KPNA1: variants seen among roughly 807,000 people sequenced by gnomAD.
KPNA1 encodes the protein importin subunit alpha-5.
Under a neutral mutation model 70.5 loss-of-function variants are expected in KPNA1, and 10 were observed. The observed-to-expected ratio is 0.14, with a 90% CI of 0.09 to 0.24. The LOEUF (loss-of-function observed/expected upper bound fraction) is 0.24. Ranked by LOEUF, KPNA1 falls within the 10% of genes least tolerant of loss-of-function variation. KPNA1 has a pLI of 1.00. For synonymous variants in KPNA1, 192 were observed against 221.9 expected, an observed-to-expected ratio of 0.87 and a Z score of 1.20; for missense variants, 397 against 637.9, an observed-to-expected ratio of 0.62 and a Z score of 4.07.
intron 1 of KPNA1, among the ~76,000 whole-genome samples, chr3:122,503,544 T>TA (rs2076854413): frequency 6.6e-6 from 1 of 152,192 alleles, no homozygotes; most frequent in Non-Finnish European, 1.5e-5. Flanking sequence ...ACCAATCACA[T>TA]ACAGAAGACA....
intron 2 of KPNA1, among the ~76,000 whole-genome samples, chr3:122,476,614 C>T (rs1392345998): frequency 6.6e-6 from 1 of 151,708 alleles, no homozygotes; most frequent in East Asian, 1.9e-4. Context: ...AGAACTTAGT[C>T]ATTTCTCAAA....
chr3:122,436,715 AG>A (rs1254942126), intron 11 of KPNA1, among the ~76,000 whole-genome samples: 4 of 152,234 alleles, frequency 2.6e-5, no homozygotes, highest in African/African-American at 9.6e-5. Context: ...TAAAGTAAAA[AG>A]CTGACTATGA....
intron 5 of KPNA1, among the ~76,000 whole-genome samples, chr3:122,454,729 G>A (rs760196652): frequency 2.9e-4 from 44 of 152,062 alleles, no homozygotes; most frequent in Non-Finnish European, 5.0e-4. Flanking sequence ...AAATGAGAGA[G>A]CTCCAAACCA....
chr3:122,497,767 T>A (rs1366596227), intron 1 of KPNA1, among the ~76,000 whole-genome samples: 1 of 152,242 alleles, frequency 6.6e-6, no homozygotes, highest in Non-Finnish European at 1.5e-5. Flanking sequence ...TTAAATTAGG[T>A]TGTCCTTTTA....
chr3:122,430,433 T>A (rs925717329), intron 12 of KPNA1, among the ~76,000 whole-genome samples: 1 of 152,050 alleles, frequency 6.6e-6, no homozygotes, highest in African/African-American at 2.4e-5. Context: ...TTGGTTTTGA[T>A]ATATACAATG....
chr3:122,503,332 A>C (rs1479115111), intron 1 of KPNA1, among the ~76,000 whole-genome samples: 1 of 152,230 alleles, frequency 6.6e-6, no homozygotes, highest in Non-Finnish European at 1.5e-5. Context: ...ATGTCAATGA[A>C]GGCATATAGG....
chr3:122,495,262 C>CAAAAAAAAAAAAAAAAAAAAA lies in KPNA1; in HGVS notation c.129+1174_129+1175insTTTTTTTTTTTTTTTTTTTTT, dbSNP rs748751423. On this transcript the variant is annotated intron_variant, in intron 2 of 13. Transcript: ENST00000344337. Reference sequence around the variant, plus strand: ...GAGCGAGACTCTGCCTCAAACAAACCAAAAAAAAAAAAAGAAAAGGAAATT... The same window carrying CAAAAAAAAAAAAAAAAAAAAA: ...GAGCGAGACTCTGCCTCAAACAAACCAAAAAAAAAAAAAAAAAAAAAAAAAAAAAAAAAAGAAAAGGAAATT... Among the ~76,000 whole-genome samples, 122 of 86,312 alleles carry CAAAAAAAAAAAAAAAAAAAAA rather than the reference C, an allele frequency of 1.4e-3. 2 individuals are homozygous for CAAAAAAAAAAAAAAAAAAAAA. The highest frequency in any genetic ancestry group is 3.7e-3 in the African/African-American group (86 of 23,384). 56.6% of individuals were successfully genotyped at this position (86,312 alleles called of 152,430 possible).
intron 1 of KPNA1, among the ~76,000 whole-genome samples, chr3:122,507,693 T>C (rs2076905967): frequency 6.7e-6 from 1 of 150,158 alleles, no homozygotes; most frequent in African/African-American, 2.5e-5. Flanking sequence ...GTTCTGATCT[T>C]TATGGTCTTT....
chr3:122,453,846 T>C, intron 6 of KPNA1, 24 bp downstream of exon 6: 1 of 1,582,590 alleles, frequency 6.3e-7, no homozygotes, highest in East Asian at 2.3e-5. Context: ...TTCTTTCACC[T>C]GCTTCTTTTT....
chr3:122,435,521 A>G (rs1310297746), intron 11 of KPNA1, among the ~76,000 whole-genome samples: 2 of 152,274 alleles, frequency 1.3e-5, no homozygotes, highest in East Asian at 3.8e-4. Context: ...AATCGTGCTC[A>G]GCATAAAGCC....
chr3:122,495,930 G>A (rs1006084553), intron 2 of KPNA1, among the ~76,000 whole-genome samples: 2 of 152,052 alleles, frequency 1.3e-5, no homozygotes, highest in African/African-American at 2.4e-5. Flanking sequence ...TAAAATGTTA[G>A]ATAACAAAGA....
intron 5 of KPNA1, among the ~76,000 whole-genome samples, 197 bp downstream of exon 5, chr3:122,461,027 T>A (rs1358122974): frequency 6.6e-6 from 1 of 152,096 alleles, no homozygotes; most frequent in Non-Finnish European, 1.5e-5. Context: ...TTAAAAATTA[T>A]AATAATAATA....
intron 2 of KPNA1, among the ~76,000 whole-genome samples, chr3:122,477,471 C>T (rs938247558): frequency 1.3e-4 from 20 of 151,904 alleles, no homozygotes; most frequent in South Asian, 4.1e-4. Context: ...AGGCTGAGGA[C>T]GGAGGATCAT....
In KPNA1 at chr3:122,437,156, T is replaced by A. The variant is rs1040001916; in HGVS notation, c.1122+14A>T. On this transcript the variant is annotated intron_variant, in intron 11 of 13. Coordinates refer to ENST00000344337, the MANE Select transcript of KPNA1 (RefSeq NM_002264.4). ...TAAAAATACTGAAAGAGAAGTTAGG[T>A]CCTATGAGGTTACCTGGATCTGTGC... is the stretch of plus-strand genomic sequence containing the variant. 1.9e-6 allele frequency: 3 copies of A among 1,606,344 alleles called. No individual in the cohort carries two copies. In the African/African-American group the frequency reaches 4.0e-5, roughly 22 times the overall value.
intron 2 of KPNA1, among the ~76,000 whole-genome samples, chr3:122,485,232 G>A (rs1277685412): frequency 6.6e-6 from 1 of 152,010 alleles, no homozygotes; most frequent in Non-Finnish European, 1.5e-5. Flanking sequence ...TTTTGAAAAA[G>A]AAAAAGTTGG....
chr3:122,478,715 G>A (rs1299483221), intron 2 of KPNA1, among the ~76,000 whole-genome samples: 2 of 147,218 alleles, frequency 1.4e-5, no homozygotes, highest in African/African-American at 2.5e-5. Context: ...GCTACACAGC[G>A]AGGCTTCATC....
chr3:122,490,388 A>C (rs887949249), intron 2 of KPNA1, among the ~76,000 whole-genome samples: 3 of 152,238 alleles, frequency 2.0e-5, no homozygotes, highest in Admixed American at 2.0e-4. Context: ...CCTAATGCCT[A>C]GTGTCTTGAA....
chr3:122,505,839 G>A (rs1022904780), intron 1 of KPNA1, among the ~76,000 whole-genome samples: 1 of 152,284 alleles, frequency 6.6e-6, no homozygotes, highest in South Asian at 2.1e-4. Context: ...TCAAGTCTGT[G>A]TCAACTGACA....
At chr3:122,460,935 G>T (rs145679873) in intron 5 of KPNA1, among the ~76,000 whole-genome samples, 1 of 152,210 alleles carries the variant, frequency 6.6e-6, no homozygotes, top group East Asian at 1.9e-4. Flanking sequence ...CCACACATAA[G>T]TTCCTGGCTG....
Sources: allele counts gnomAD v4.1 joint callset (sites outside exome capture counted in the v4.1 genomes callset), GRCh38; gene constraint gnomAD v4.1.1; transcripts MANE v1.5; gene names NCBI Gene and HGNC (gene_info 2026-07-23, HGNC 2026-07-21).